SYNE2: variants seen among roughly 807,000 people sequenced by gnomAD.
SYNE2 encodes the protein nesprin-2.
Under a neutral mutation model 856.3 loss-of-function variants are expected in SYNE2, and 431 were observed. The observed-to-expected ratio is 0.50, with a 90% confidence interval of 0.47 to 0.55. SYNE2 has a LOEUF of 0.55. Ranked by LOEUF, SYNE2 falls within the 20% of genes least tolerant of loss-of-function variation. The probability of loss-of-function intolerance (pLI) is 0.00; values close to 1 mark genes in which losing one functional copy is unlikely to be tolerated. For missense variants in SYNE2, 8,129 were observed against 8,023.2 expected (o/e 1.01, Z -0.50); for synonymous variants, 2,923 against 2,872.3 (o/e 1.02, Z -0.56).
chr14:64,085,400 A>G (rs1316087028), intron 57 of SYNE2, among the ~76,000 whole-genome samples: 1 of 152,202 alleles, frequency 6.6e-6, no homozygotes, highest in Non-Finnish European at 1.5e-5. Flanking sequence ...TAAGGGTATG[A>G]ATACCAGGAG....
intron 1 of SYNE2, among the ~76,000 whole-genome samples, chr14:63,842,183 G>A (rs1258512365): frequency 1.3e-5 from 2 of 150,956 alleles, no homozygotes; most frequent in African/African-American, 4.9e-5. Context: ...TGTTGTTGTT[G>A]TCGTTTTGAG....
chr14:64,204,019 C>T (rs1167052413), intron 100 of SYNE2, among the ~76,000 whole-genome samples: 1 of 152,160 alleles, frequency 6.6e-6, no homozygotes, highest in Non-Finnish European at 1.5e-5. Flanking sequence ...GCCTGGCCCT[C>T]CCTGCTCTTG....
chr14:64,097,343 A>C (rs894806303), intron 61 of SYNE2, among the ~76,000 whole-genome samples: 1 of 152,170 alleles, frequency 6.6e-6, no homozygotes, highest in Admixed American at 6.5e-5. Context: ...CTTAAAAAAA[A>C]AGTAAATGAA....
chr14:64,142,135 C>T (rs1476842619), intron 82 of SYNE2, 47 bp downstream of exon 82: 1 of 1,606,990 alleles, frequency 6.2e-7, no homozygotes, highest in African/African-American at 1.3e-5. Flanking sequence ...AACAAGAAGG[C>T]TAATCAGAGG....
At chr14:64,082,473 T>G (rs1172241562) in intron 57 of SYNE2, among the ~76,000 whole-genome samples, 5 of 152,156 alleles carry the variant, frequency 3.3e-5, no homozygotes, top group African/African-American at 1.2e-4. Flanking sequence ...GAGAGATTCT[T>G]CTTGAGAAAG....
intron 78 of SYNE2, among the ~76,000 whole-genome samples, chr14:64,135,999 G>A (rs1235377302): frequency 2.6e-5 from 4 of 152,078 alleles, no homozygotes; most frequent in African/African-American, 7.2e-5. Flanking sequence ...GCATACAATC[G>A]GTGAATTAGG....
At position 64,070,715 on chromosome 14, in the gene SYNE2, C is replaced by T. The variant is rs1042324901; in HGVS notation, c.10502C>T (p.Ala3501Val). ...ELPEISKTKE[A>V]ATTEELSELL... ...CCTGAAATTTCCAAAACAAAAGAGG[C>T]AGCCACCACAGAGGAACTCTCTGAG... Residue 3501 changes from alanine (A) to valine (V), a missense_variant, in exon 52 of 116, where the codon GCA (alanine) becomes GTA (valine). By Grantham distance (64) the Ala-to-Val change is moderately conservative. This residue lies in a region of SYNE2 where 5,410 missense variants were observed against 5,284.8 expected (regional missense o/e 1.02). Transcript: ENST00000555002. 3.1e-6 allele frequency: 5 copies of T among 1,613,992 alleles called. No homozygotes were observed. In the Admixed American group the frequency reaches 5.0e-5, roughly 16 times the overall value.
In SYNE2 at chr14:64,122,436, G is replaced by A. The variant is rs369086748; in HGVS notation, c.13422+9G>A. The A allele has an allele frequency of 2.5e-6, 4 of 1,614,046 alleles. No individual in the cohort carries two copies. The highest frequency in any genetic ancestry group is 3.4e-6 in the Non-Finnish European group (4 of 1,180,030). ...AGCTTGTGGAGCCTCAGGTCAGTCT[G>A]TATCTACATGGTGCAAATAGCCTGT... is the stretch of plus-strand genomic sequence containing the variant. On this transcript the variant is annotated intron_variant, in intron 70 of 115. Transcript: ENST00000555002.
At chr14:64,112,021 T>C (rs1486807393) in intron 65 of SYNE2, among the ~76,000 whole-genome samples, 3 of 152,142 alleles carry the variant, frequency 2.0e-5, no homozygotes. Flanking sequence ...TAATAGATGG[T>C]GAAAGGTAAA....
chr14:64,197,259 G>A (rs987388431), intron 99 of SYNE2, among the ~76,000 whole-genome samples: 1 of 152,178 alleles, frequency 6.6e-6, no homozygotes, highest in South Asian at 2.1e-4. Flanking sequence ...CGGGGGATGG[G>A]TTCTTTCCCA....
Position 64,186,437 on chromosome 14 carries a change from CTT to C in SYNE2, c.17572_17573del (p.Leu5858GlyfsTer2), listed in dbSNP as rs770366530. On this transcript the variant is annotated frameshift_variant, in exon 97 of 116. Coordinates refer to ENST00000555002, the MANE Select transcript of SYNE2 (RefSeq NM_182914.3). LOFTEE classifies it high-confidence loss of function. The stretch of plus-strand genomic sequence containing the variant: ...GATTAAATGCAGGAACTAGAACAGT[CTT>C]TGGCTAGCTGGACTCAGAACTTGAA... 1 of 1,614,190 alleles carries C rather than the reference CTT, an allele frequency of 6.2e-7. No homozygotes were observed. The highest frequency in any genetic ancestry group is 8.5e-7 in the Non-Finnish European group (1 of 1,180,028).
intron 77 of SYNE2, among the ~76,000 whole-genome samples, chr14:64,133,741 C>T (rs1411329998): frequency 2.0e-5 from 3 of 152,150 alleles, no homozygotes; most frequent in Non-Finnish European, 4.4e-5. Context: ...CTTGTGGCTC[C>T]AAGGTCTCTA....
chr14:64,069,526 T>C (rs1182648704), intron 51 of SYNE2, among the ~76,000 whole-genome samples: 1 of 152,224 alleles, frequency 6.6e-6, no homozygotes, highest in Admixed American at 6.5e-5. Context: ...CCAACCCTGC[T>C]GCGGTGCTTT....
chr14:64,084,604 G>A (rs552976978), intron 57 of SYNE2: 1 of 222,764 alleles, frequency 4.5e-6, no homozygotes, highest in East Asian at 9.8e-5. Flanking sequence ...TTGCCAAGTA[G>A]TGTTCCAGTT....
At chr14:63,959,541 G>T (rs539659935) in intron 8 of SYNE2, among the ~76,000 whole-genome samples, 1 of 151,890 alleles carries the variant, frequency 6.6e-6, no homozygotes, top group East Asian at 1.9e-4. Context: ...CAGGTGATTC[G>T]CCGCCTTGAC....
At chr14:64,008,816 A>G (rs1393303355) in intron 31 of SYNE2, among the ~76,000 whole-genome samples, 1 of 152,084 alleles carries the variant, frequency 6.6e-6, no homozygotes, top group Non-Finnish European at 1.5e-5. Context: ...TGTGGTTCTG[A>G]CACCACCTGA....
intron 2 of SYNE2, among the ~76,000 whole-genome samples, chr14:63,922,745 A>G (rs932222681): frequency 6.6e-6 from 1 of 152,214 alleles, no homozygotes; most frequent in Non-Finnish European, 1.5e-5. Context: ...AGAGTAAGTC[A>G]TACATGTAAA....
intron 1 of SYNE2, among the ~76,000 whole-genome samples, chr14:63,866,551 T>C (rs1895377717): frequency 6.6e-6 from 1 of 152,084 alleles, no homozygotes; most frequent in South Asian, 2.1e-4. Flanking sequence ...TTGGACAACC[T>C]ACAGTGCAAA....
chr14:63,932,149 G>A lies in SYNE2; in HGVS notation c.80-8465G>A, dbSNP rs186936320. ...CCCAGCACTTGGGAGGCCAAGGCAGGTGGAGCACCTCACCTGAGGTCAGGA... is the reference window on the plus strand; with the variant it reads ...CCCAGCACTTGGGAGGCCAAGGCAGATGGAGCACCTCACCTGAGGTCAGGA... On this transcript the variant is annotated intron_variant, in intron 2 of 115. Coordinates refer to ENST00000555002, the MANE Select transcript of SYNE2 (RefSeq NM_182914.3). Among the ~76,000 whole-genome samples the A allele has an allele frequency of 1.8e-4, 28 of 152,308 alleles. 2 individuals carry two copies. The East Asian group carries it at 2.3e-3, about 13-fold the overall frequency.
Sources: gnomAD v4.1 joint callset for allele counts (sites outside exome capture counted in the v4.1 genomes callset) on GRCh38, gnomAD v4.1.1 for gene constraint, gnomAD v4.1.1 regional missense constraint, MANE v1.5 for transcripts, NCBI Gene and HGNC (gene_info 2026-07-23, HGNC 2026-07-21) for gene names.